FOXP1: variants seen among roughly 807,000 people sequenced by gnomAD.
FOXP1 encodes the protein forkhead box protein P1.
A neutral mutation model predicts 98.2 loss-of-function variants in FOXP1; 15 were observed. The observed-to-expected ratio is 0.15, with a 90% CI of 0.10 to 0.24. The LOEUF is 0.24. Among genes scored for constraint, FOXP1 ranks in the 10% least tolerant of loss-of-function variants. The probability of loss-of-function intolerance (pLI) is 1.00; values close to 1 mark genes in which losing one functional copy is unlikely to be tolerated. For synonymous variants in FOXP1, 371 were observed against 314.5 expected (o/e 1.18, Z -1.90); for missense variants, 633 against 848.5 (o/e 0.75, Z 3.15).
chr3:71,023,056 A>C (rs1232054482), intron 11 of FOXP1, among the ~76,000 whole-genome samples: 1 of 152,032 alleles, frequency 6.6e-6, no homozygotes, highest in Non-Finnish European at 1.5e-5. Context: ...ACCTCCTTTG[A>C]CTTAAAAGCT....
chr3:71,356,948 CAATTTGGGACAGAA>C (rs1335611717), intron 4 of FOXP1, among the ~76,000 whole-genome samples: 1 of 152,116 alleles, frequency 6.6e-6, no homozygotes, highest in African/African-American at 2.4e-5. Flanking sequence ...ATGTACAGGC[CAATTTGGGACAGAA>C]AATTTGGACA....
intron 2 of FOXP1, among the ~76,000 whole-genome samples, chr3:71,557,235 G>A (rs553949319): frequency 4.6e-5 from 7 of 152,100 alleles, no homozygotes; most frequent in African/African-American, 9.6e-5. Flanking sequence ...CTTGCTACAC[G>A]GATGAGAGAA....
chr3:71,475,403 G>C (rs1333701090), intron 3 of FOXP1, among the ~76,000 whole-genome samples: 2 of 152,132 alleles, frequency 1.3e-5, no homozygotes, highest in Admixed American at 6.5e-5. Context: ...CATGGCAATC[G>C]GGGAAAGGGA....
intron 2 of FOXP1, among the ~76,000 whole-genome samples, chr3:71,579,392 C>T (rs1054279682): frequency 6.6e-6 from 1 of 152,124 alleles, no homozygotes; most frequent in Non-Finnish European, 1.5e-5. Flanking sequence ...CAAAATGCTA[C>T]AGTAATTACT....
chr3:71,259,138 GTGTCT>G (rs1335966738), intron 5 of FOXP1, among the ~76,000 whole-genome samples: 2 of 151,704 alleles, frequency 1.3e-5, no homozygotes. Flanking sequence ...AGCTAAGACT[GTGTCT>G]CAGAAAAAAA....
chr3:71,486,145 G>T (rs567901231), intron 3 of FOXP1, among the ~76,000 whole-genome samples: 1 of 152,096 alleles, frequency 6.6e-6, no homozygotes, highest in Non-Finnish European at 1.5e-5. Flanking sequence ...TCTCACTCTT[G>T]CTATGCAATT....
chr3:71,418,117 GT>G (rs1249433217), intron 3 of FOXP1, among the ~76,000 whole-genome samples: 21 of 36,126 alleles, frequency 5.8e-4, no homozygotes, highest in South Asian at 1.0e-3. Context: ...GTGCTTGTGG[GT>G]GTGTGTGTGT....
intron 6 of FOXP1, among the ~76,000 whole-genome samples, chr3:71,183,294 G>C (rs993888856): frequency 6.6e-6 from 1 of 152,060 alleles, no homozygotes; most frequent in Non-Finnish European, 1.5e-5. Flanking sequence ...TGGAGTTCAA[G>C]ACCAGCCTGG....
chr3:70,986,039 A>T (rs1011326349), intron 14 of FOXP1, among the ~76,000 whole-genome samples: 14 of 152,238 alleles, frequency 9.2e-5, no homozygotes, highest in African/African-American at 3.1e-4. Flanking sequence ...AGTGGTAGAG[A>T]ATTTTCAATA....
chr3:71,134,238 A>T (rs1223942412), intron 6 of FOXP1, among the ~76,000 whole-genome samples: 2 of 152,204 alleles, frequency 1.3e-5, no homozygotes, highest in Non-Finnish European at 2.9e-5. Context: ...TTATTCAAAA[A>T]CGGTGGCTAT....
chr3:71,007,576 T>C (rs1358499171), intron 12 of FOXP1, among the ~76,000 whole-genome samples: 1 of 152,214 alleles, frequency 6.6e-6, no homozygotes, highest in African/African-American at 2.4e-5. Flanking sequence ...AACACCTTTG[T>C]GATCCACGCT....
intron 5 of FOXP1, among the ~76,000 whole-genome samples, chr3:71,246,832 C>A (rs1045557748): frequency 1.3e-5 from 2 of 152,196 alleles, no homozygotes; most frequent in African/African-American, 4.8e-5. Flanking sequence ...TTCATGGCAT[C>A]ATTTTCATTA....
At chr3:71,212,165 G>C (rs78831025) in intron 5 of FOXP1, among the ~76,000 whole-genome samples, 4,418 of 152,138 alleles carry the variant, frequency 0.029, 98 homozygotes, top group Non-Finnish European at 0.043. Flanking sequence ...GATTAAAAAA[G>C]AATTGAAAAT....
At chr3:71,401,065 C>A (rs2081930527) in intron 3 of FOXP1, among the ~76,000 whole-genome samples, 1 of 152,108 alleles carries the variant, frequency 6.6e-6, no homozygotes, top group Non-Finnish European at 1.5e-5. Flanking sequence ...TCCACCCCCA[C>A]TCAAAAAACT....
intron 5 of FOXP1, among the ~76,000 whole-genome samples, chr3:71,222,109 C>T (rs1009772497): frequency 4.6e-5 from 7 of 152,060 alleles, no homozygotes; most frequent in African/African-American, 7.2e-5. Context: ...GCCGAGATTG[C>T]GACACTGCAC....
intron 7 of FOXP1, among the ~76,000 whole-genome samples, chr3:71,104,032 G>A (rs565233571): frequency 1.2e-4 from 18 of 152,180 alleles, no homozygotes; most frequent in African/African-American, 4.1e-4. Context: ...ATTTTGCTCA[G>A]AAGATTCACA....
chr3:71,141,790 A>G (rs1395951891), intron 6 of FOXP1, among the ~76,000 whole-genome samples: 1 of 152,248 alleles, frequency 6.6e-6, no homozygotes, highest in East Asian at 1.9e-4. Flanking sequence ...TCATTAAAAA[A>G]AAGAAAAACT....
intron 5 of FOXP1, among the ~76,000 whole-genome samples, chr3:71,238,795 C>CAAGT (rs1282816380): frequency 2.0e-5 from 3 of 152,312 alleles, no homozygotes; most frequent in African/African-American, 7.2e-5. Flanking sequence ...CAAGCACTTA[C>CAAGT]AAGTGGCTCC....
chr3:71,386,925 T>A (rs1471897143), intron 3 of FOXP1, among the ~76,000 whole-genome samples: 1 of 152,108 alleles, frequency 6.6e-6, no homozygotes, highest in Non-Finnish European at 1.5e-5. Context: ...GAATTTGAGG[T>A]TCTCCATCTT....
Sources: gnomAD v4.1 joint callset for allele counts (sites outside exome capture counted in the v4.1 genomes callset) on GRCh38, gnomAD v4.1.1 for gene constraint, MANE v1.5 for transcripts, NCBI Gene and HGNC (gene_info 2026-07-23, HGNC 2026-07-21) for gene names.